PIP: variants seen among roughly 807,000 people sequenced by gnomAD.
PIP encodes the protein prolactin-inducible protein.
PIP carries 9 observed loss-of-function variants against 12.8 expected under a neutral mutation model. The observed-to-expected ratio is 0.70, with a 90% CI of 0.42 to 1.23. The LOEUF is 1.23. Among genes scored for constraint, PIP ranks in the 50% most tolerant of loss-of-function variants. PIP has a pLI of 0.00. For synonymous variants in PIP, 60 were observed against 66.1 expected, an observed-to-expected ratio of 0.91 and a Z score of 0.45; for missense variants, 172 against 179.5, an observed-to-expected ratio of 0.96 and a Z score of 0.24.
intron 1 of PIP, among the ~76,000 whole-genome samples, chr7:143,134,223 T>A (rs1360163340): frequency 1.7e-4 from 19 of 111,772 alleles, no homozygotes; most frequent in Non-Finnish European, 2.3e-4. Context: ...TATATATATA[T>A]ATATATATAT....
chr7:143,138,179 T>C (rs756681378), intron 2 of PIP, among the ~76,000 whole-genome samples: 7 of 152,096 alleles, frequency 4.6e-5, no homozygotes, highest in African/African-American at 7.2e-5. Flanking sequence ...TCTGGATCCG[T>C]GCAATGATAT....
intron 3 of PIP, 98 bp from the exon 4 acceptor site, chr7:143,139,420 G>A: frequency 6.8e-7 from 1 of 1,480,894 alleles, no homozygotes; most frequent in Non-Finnish European, 9.3e-7. Flanking sequence ...AAGGATTTGG[G>A]GAAACTGAAC....
intron 2 of PIP, among the ~76,000 whole-genome samples, chr7:143,136,423 A>C (rs1364914973): frequency 6.6e-6 from 1 of 152,118 alleles, no homozygotes; most frequent in Non-Finnish European, 1.5e-5. Context: ...TGCATTCTAG[A>C]AATATCCCCA....
intron 2 of PIP, among the ~76,000 whole-genome samples, chr7:143,138,101 C>T (rs183974889): frequency 7.9e-5 from 12 of 152,102 alleles, no homozygotes; most frequent in East Asian, 3.9e-4. Context: ...GGGCCTCAGT[C>T]GTGACCATGA....
At chr7:143,135,829 G>A (rs1243597991) in intron 2 of PIP, among the ~76,000 whole-genome samples, 1 of 152,006 alleles carries the variant, frequency 6.6e-6, no homozygotes, top group East Asian at 1.9e-4. Context: ...TCCCCACCCT[G>A]ACAAGGAGCT....
intron 1 of PIP, among the ~76,000 whole-genome samples, chr7:143,134,448 T>C (rs1418946385): frequency 6.6e-6 from 1 of 151,382 alleles, no homozygotes; most frequent in Non-Finnish European, 1.5e-5. Context: ...CTGTTTTACA[T>C]AGTGGTTGTA....
chr7:143,137,236 G>A (rs1028916585), intron 2 of PIP, among the ~76,000 whole-genome samples: 4 of 152,030 alleles, frequency 2.6e-5, no homozygotes, highest in African/African-American at 7.2e-5. Flanking sequence ...TGAAGTTTAT[G>A]AAACATTTAT....
At chr7:143,133,756 A>C (rs1203417213) in intron 1 of PIP, among the ~76,000 whole-genome samples, 2 of 152,040 alleles carry the variant, frequency 1.3e-5, no homozygotes, top group African/African-American at 2.4e-5. Context: ...GAGGATCTTC[A>C]AAGATGCTCC....
chr7:143,133,631 T>C (rs1392018606), intron 1 of PIP, among the ~76,000 whole-genome samples: 1 of 152,026 alleles, frequency 6.6e-6, no homozygotes, highest in African/African-American at 2.4e-5. Context: ...CAGATTGCAG[T>C]GTATGGTCTA....
At chr7:143,139,408 C>A in intron 3 of PIP, 110 bp from the exon 4 acceptor site, 4 of 1,420,646 alleles carry the variant, frequency 2.8e-6, no homozygotes, top group Non-Finnish European at 3.9e-6. Flanking sequence ...GACAAATTTG[C>A]AAAGGATTTG....
At chr7:143,132,955 G>A (rs971929316) in intron 1 of PIP, among the ~76,000 whole-genome samples, 4 of 151,962 alleles carry the variant, frequency 2.6e-5, no homozygotes, top group Non-Finnish European at 5.9e-5. Context: ...TGATCTTGGA[G>A]GTACTCTCTA....
At chr7:143,135,563 G>GA (rs1326943264) in intron 2 of PIP, among the ~76,000 whole-genome samples, 1 of 151,912 alleles carries the variant, frequency 6.6e-6, no homozygotes, top group Non-Finnish European at 1.5e-5. Flanking sequence ...GAGGGAAAAA[G>GA]AAAAAAGTGT....
At chr7:143,132,361 C>T (rs1382988776) in intron 1 of PIP, 150 bp downstream of exon 1, 2 of 864,224 alleles carry the variant, frequency 2.3e-6, no homozygotes, top group Admixed American at 5.5e-5. Flanking sequence ...CCAGGTTCCA[C>T]TTCTTGTCCT....
chr7:143,138,978 C>T (rs73725088), intron 2 of PIP, 97 bp from the exon 3 acceptor site: 1 of 726,526 alleles, frequency 1.4e-6, no homozygotes, highest in Non-Finnish European at 2.5e-6. Context: ...CCTCCACCCC[C>T]ACTCTTCTCC....
intron 1 of PIP, among the ~76,000 whole-genome samples, chr7:143,133,809 A>T (rs1332414174): frequency 6.6e-6 from 1 of 151,790 alleles, no homozygotes; most frequent in Non-Finnish European, 1.5e-5. Context: ...TGGGTTTTTA[A>T]AATTTTTTAT....
chr7:143,137,901 T>C (rs1799326983), intron 2 of PIP, among the ~76,000 whole-genome samples: 1 of 140,168 alleles, frequency 7.1e-6, no homozygotes, highest in African/African-American at 3.0e-5. Flanking sequence ...CTCTGTCTCT[T>C]AGAAAAAAAA....
intron 2 of PIP, among the ~76,000 whole-genome samples, chr7:143,135,686 G>A (rs1009094987): frequency 6.6e-6 from 1 of 152,040 alleles, no homozygotes; most frequent in Non-Finnish European, 1.5e-5. Flanking sequence ...ACCATAGGTT[G>A]AGGTGGGTGG....
chr7:143,138,535 A>G (rs1407629271), intron 2 of PIP, among the ~76,000 whole-genome samples: 1 of 152,182 alleles, frequency 6.6e-6, no homozygotes, highest in African/African-American at 2.4e-5. Context: ...TCTAACAGCC[A>G]GGTTTGGTAG....
In PIP at chr7:143,139,095, C is replaced by A; in HGVS notation, c.222C>A (p.Ser74Arg). 6.3e-7 allele frequency: 1 copy of A among 1,582,266 alleles called. No individual in the cohort carries two copies. Among genetic ancestry groups the A allele is most frequent in the Non-Finnish European group, 8.7e-7 (1 of 1,150,526 alleles). The change falls in exon 3 of 4, where the codon AGC becomes AGA. Residue 74 changes from serine (S) to arginine (R), a missense_variant. Ser to Arg is a moderately radical substitution (Grantham distance 110, BLOSUM62 -1). Coordinates refer to ENST00000291009, the MANE Select transcript of PIP (RefSeq NM_002652.3). ...ECMVVKTYLI[S>R]SIPLQGAFNY... ...ACCAGGTTAAAACTTACCTCATTAG[C>A]AGCATCCCTCTACAAGGTGCATTTA... is the stretch of plus-strand genomic sequence containing the variant.
Sources: gnomAD v4.1 joint callset for allele counts (sites outside exome capture counted in the v4.1 genomes callset) on GRCh38, gnomAD v4.1.1 for gene constraint, MANE v1.5 for transcripts, NCBI Gene and HGNC (gene_info 2026-07-23, HGNC 2026-07-21) for gene names.